MAGI3: variants seen among roughly 807,000 people sequenced by gnomAD.
MAGI3 encodes the protein membrane-associated guanylate kinase, WW and PDZ domain-containing protein 3.
Under a neutral mutation model 121.8 loss-of-function variants are expected in MAGI3, and 43 were observed. The observed-to-expected ratio is 0.35, with a 90% CI of 0.28 to 0.46. The LOEUF is 0.46. MAGI3 is among the 20% of genes least tolerant of loss of function. MAGI3 has a pLI of 1.00. For synonymous variants in MAGI3, 553 were observed against 639.3 expected, an observed-to-expected ratio of 0.86 and a Z score of 2.04; for missense variants, 1,547 against 1,797.3, an observed-to-expected ratio of 0.86 and a Z score of 2.52.
intron 1 of MAGI3, among the ~76,000 whole-genome samples, chr1:113,435,895 T>C (rs2101436741): frequency 1.3e-5 from 2 of 152,266 alleles, no homozygotes; most frequent in South Asian, 4.1e-4. Flanking sequence ...CATGAGGCTG[T>C]AGCTCTTTCA....
intron 6 of MAGI3, among the ~76,000 whole-genome samples, chr1:113,607,540 G>A (rs755091331): frequency 2.6e-5 from 4 of 152,104 alleles, no homozygotes; most frequent in African/African-American, 9.7e-5. Flanking sequence ...TGGAAGAACC[G>A]ATACTGTTTG....
At chr1:113,679,346 A>G (rs1485845047) in intron 19 of MAGI3, among the ~76,000 whole-genome samples, 1 of 152,160 alleles carries the variant, frequency 6.6e-6, no homozygotes, top group Non-Finnish European at 1.5e-5. Flanking sequence ...AATTGAGAAC[A>G]TGAGGTATTT....
At chr1:113,641,128 T>TA (rs1553211926) in intron 9 of MAGI3, among the ~76,000 whole-genome samples, 2 of 74,674 alleles carry the variant, frequency 2.7e-5, no homozygotes, top group African/African-American at 4.8e-5. Flanking sequence ...GAGATATATA[T>TA]TATATATATG....
At chr1:113,595,665 T>C (rs1414180749) in intron 6 of MAGI3, among the ~76,000 whole-genome samples, 1 of 152,186 alleles carries the variant, frequency 6.6e-6, no homozygotes, top group East Asian at 1.9e-4. Flanking sequence ...GTTAGATAGC[T>C]TGAAACAAAT....
At chr1:113,594,631 T>C in intron 6 of MAGI3, 71 bp downstream of exon 6, 3 of 1,369,458 alleles carry the variant, frequency 2.2e-6, no homozygotes, top group Admixed American at 2.1e-5. Context: ...GCTCAGATAA[T>C]GGGTTTTTCA....
intron 1 of MAGI3, among the ~76,000 whole-genome samples, chr1:113,416,396 T>TA (rs1553182806): frequency 3.3e-5 from 2 of 59,788 alleles, no homozygotes; most frequent in African/African-American, 1.4e-4. Flanking sequence ...ATATATTAAT[T>TA]ATTAATTAAT....
At chr1:113,634,734 A>G (rs1651893843) in intron 9 of MAGI3, among the ~76,000 whole-genome samples, 1 of 152,152 alleles carries the variant, frequency 6.6e-6, no homozygotes, top group Admixed American at 6.5e-5. Context: ...TTGGTTCCAT[A>G]TGAACTTTAA....
chr1:113,516,603 A>G (rs112352577), intron 1 of MAGI3, among the ~76,000 whole-genome samples: 22 of 152,182 alleles, frequency 1.4e-4, no homozygotes, highest in African/African-American at 4.8e-4. Flanking sequence ...TCATAAATTA[A>G]TAAATTGAAG....
chr1:113,417,532 T>G (rs1190290697), intron 1 of MAGI3, among the ~76,000 whole-genome samples: 1 of 152,076 alleles, frequency 6.6e-6, no homozygotes, highest in Non-Finnish European at 1.5e-5. Context: ...TAATTTGAAT[T>G]TCTTGTATTT....
intron 1 of MAGI3, among the ~76,000 whole-genome samples, chr1:113,466,219 T>C (rs1655276944): frequency 6.6e-6 from 1 of 152,184 alleles, no homozygotes; most frequent in African/African-American, 2.4e-5. Context: ...TGTTGAATTT[T>C]ATCAAATGCT....
chr1:113,455,890 G>A (rs1654727793), intron 1 of MAGI3, among the ~76,000 whole-genome samples: 1 of 151,986 alleles, frequency 6.6e-6, no homozygotes, highest in Admixed American at 6.6e-5. Context: ...GAGGTACTCA[G>A]TATTTTCTGA....
intron 6 of MAGI3, among the ~76,000 whole-genome samples, chr1:113,612,023 A>G (rs562498868): frequency 3.9e-4 from 59 of 151,792 alleles, no homozygotes; most frequent in African/African-American, 1.4e-3. Context: ...GGCTCATTGC[A>G]ACCTCCACCT....
chr1:113,401,626 T>G (rs1651409693), intron 1 of MAGI3, among the ~76,000 whole-genome samples: 1 of 152,244 alleles, frequency 6.6e-6, no homozygotes, highest in Non-Finnish European at 1.5e-5. Context: ...TTTGTTCTTG[T>G]GTTTCCTTTC....
rs1648412041 is a variant in MAGI3, at chr1:113,684,250, A to AC, written c.*239dup. The AC allele has an allele frequency of 2.6e-6, 1 of 382,904 alleles. No individual in the cohort carries two copies. Among genetic ancestry groups the AC allele is most frequent in the Non-Finnish European group, 4.6e-6 (1 of 216,196 alleles). 23.7% of individuals were successfully genotyped at this position (382,904 alleles called of 1,614,324 possible). A position where few individuals can be genotyped will look rare whatever the true frequency, so the allele number is the denominator to read the frequency against. ...GGAGCTGCATCCACATGCTCATCTG[A>AC]CCCGCCCTGCTCAGGCTGCCCAGCT... On this transcript the variant is annotated 3_prime_UTR_variant, in exon 21 of 21. Transcript: ENST00000307546.
intron 10 of MAGI3, 91 bp downstream of exon 10, chr1:113,642,607 C>T: frequency 7.2e-7 from 1 of 1,384,188 alleles, no homozygotes; most frequent in Non-Finnish European, 9.8e-7. Flanking sequence ...TGTGTTTTCC[C>T]AGCAGACTTA....
At chr1:113,439,711 G>T (rs756629625) in intron 1 of MAGI3, among the ~76,000 whole-genome samples, 2 of 152,148 alleles carry the variant, frequency 1.3e-5, no homozygotes, top group Non-Finnish European at 2.9e-5. Flanking sequence ...CAGGGAATGT[G>T]CTTAATTGTG....
intron 1 of MAGI3, among the ~76,000 whole-genome samples, chr1:113,527,926 C>G (rs929146012): frequency 6.6e-6 from 1 of 151,962 alleles, no homozygotes; most frequent in Admixed American, 6.6e-5. Flanking sequence ...CAATGAATAC[C>G]CATATAACCA....
At chr1:113,524,193 C>T (rs905103235) in intron 1 of MAGI3, among the ~76,000 whole-genome samples, 5 of 152,114 alleles carry the variant, frequency 3.3e-5, no homozygotes, top group Non-Finnish European at 5.9e-5. Context: ...AAGTTTGCTG[C>T]GGGGATGGGG....
intron 1 of MAGI3, among the ~76,000 whole-genome samples, chr1:113,436,269 C>T (rs1334299302): frequency 6.6e-6 from 1 of 151,950 alleles, no homozygotes; most frequent in Admixed American, 6.6e-5. Flanking sequence ...AAATAATTTT[C>T]CATGAGTGAA....
Sources: allele counts gnomAD v4.1 joint callset (sites outside exome capture counted in the v4.1 genomes callset), GRCh38; gene constraint gnomAD v4.1.1; transcripts MANE v1.5; gene names NCBI Gene and HGNC (gene_info 2026-07-23, HGNC 2026-07-21).